The following SLC12A3 variants were observed in gnomAD, a reference collection of about 807,000 sequenced individuals.
SLC12A3 encodes the protein solute carrier family 12 member 3.
A neutral mutation model predicts 121.0 loss-of-function variants in SLC12A3; 104 were observed. The observed-to-expected ratio is 0.86, with a 90% CI of 0.73 to 1.01. The LOEUF (loss-of-function observed/expected upper bound fraction) is 1.01. Ranked by LOEUF, SLC12A3 falls within the 50% of genes least tolerant of loss-of-function variation. SLC12A3 has a pLI of 0.00. For synonymous variants in SLC12A3, 536 were observed against 533.4 expected (o/e 1.00, Z -0.07); for missense variants, 1,328 against 1,356.3 (o/e 0.98, Z 0.33).
At chr16:56,879,486 T>TG (rs1392228562) in intron 10 of SLC12A3, 56 bp from the exon 11 acceptor site, 5 of 1,425,730 alleles carry the variant, frequency 3.5e-6, no homozygotes, top group South Asian at 1.1e-5. Context: ...GTGCCACAGA[T>TG]GGGGGCTCCT....
chr16:56,885,335 T>A lies in SLC12A3; in HGVS notation c.1896T>A (p.Asn632Lys). Residue 632 changes from asparagine to lysine, a missense_variant, in exon 15 of 26, where the codon AAT (asparagine) becomes AAA (lysine). Coordinates refer to ENST00000563236, the MANE Select transcript of SLC12A3 (RefSeq NM_001126108.2). ...CCCTCAGCTACTCGGTGGGCCTCAATGAGGTGGAAGACCACATCAAGAACT... is the reference window on the plus strand; with the variant it reads ...CCCTCAGCTACTCGGTGGGCCTCAAAGAGGTGGAAGACCACATCAAGAACT... ...NLALSYSVGL[N>K]EVEDHIKNYR... 2 of 1,555,282 alleles carry A rather than the reference T, an allele frequency of 1.3e-6. No individual in the cohort carries two copies. The highest frequency in any genetic ancestry group is 1.7e-6 in the Non-Finnish European group (2 of 1,148,906).
intron 3 of SLC12A3, among the ~76,000 whole-genome samples, chr16:56,868,954 A>G (rs1964424615): frequency 6.6e-6 from 1 of 151,474 alleles, no homozygotes; most frequent in Non-Finnish European, 1.5e-5. Context: ...CCTGGGCAAC[A>G]GAGTGTGAAA....
chr16:56,878,294 G>A, intron 9 of SLC12A3, 133 bp downstream of exon 9: 1 of 720,792 alleles, frequency 1.4e-6, no homozygotes. Context: ...GCTGGGCTGG[G>A]AGGGTGTGGC....
chr16:56,904,185 T>A, intron 24 of SLC12A3: 2 of 545,960 alleles, frequency 3.7e-6, no homozygotes, highest in Non-Finnish European at 6.8e-6. Flanking sequence ...AGCCACAGAA[T>A]GCTTCTTGGA....
At chr16:56,911,913 C>G (rs1404683045) in intron 25 of SLC12A3, among the ~76,000 whole-genome samples, 1 of 152,240 alleles carries the variant, frequency 6.6e-6, no homozygotes, top group Non-Finnish European at 1.5e-5. Context: ...CCTGCGTGTG[C>G]TTTGCCTGTT....
rs563950524 is a variant in SLC12A3 at position 56,872,335 on chromosome 16, C to G, written c.853-16C>G. ...AACAAAACTATCTGACCTCTGGGGT[C>G]CTTCGCCCCCTCCAGGCCCAGGTGC... On this transcript the variant is annotated splice_polypyrimidine_tract_variant and intron_variant, in intron 6 of 25. Coordinates refer to ENST00000563236, the MANE Select transcript of SLC12A3 (RefSeq NM_001126108.2). The G allele has an allele frequency of 6.3e-7, 1 of 1,588,348 alleles. No homozygotes were observed. Among genetic ancestry groups the G allele is most frequent in the African/African-American group, 1.3e-5 (1 of 74,410 alleles).
intron 13 of SLC12A3, among the ~76,000 whole-genome samples, chr16:56,882,801 A>G (rs2144720212): frequency 6.6e-6 from 1 of 151,914 alleles, no homozygotes. Flanking sequence ...AATTAGCCAG[A>G]TGTGGTAGCG....
Position 56,884,279 on chromosome 16 carries a change from A to G in SLC12A3, c.1825+75A>G, listed in dbSNP as rs1447512635. 9 of 1,472,548 alleles carry G rather than the reference A, an allele frequency of 6.1e-6. No homozygotes were observed. The African/African-American group carries it at 9.7e-5, about 16-fold the overall frequency. 91.2% of individuals were successfully genotyped at this position (1,472,548 alleles called of 1,614,324 possible). ...TGCAGGCGGCCCTGCCCTCCGCCCC[A>G]GTTGGAGGGCCCTGAGTCCGGCTCT... On this transcript the variant is annotated intron_variant, in intron 14 of 25. Coordinates refer to ENST00000563236, the MANE Select transcript of SLC12A3 (RefSeq NM_001126108.2).
rs1325693628 is a variant in SLC12A3, at chr16:56,887,918, C to T, written c.2179-7C>T. ...GGGTTCCCCATCTCACCCCTATCCCCTGGCAGGCCGCAGGTCTCGGGAGAA... is the reference window on the plus strand; with the variant it reads ...GGGTTCCCCATCTCACCCCTATCCCTTGGCAGGCCGCAGGTCTCGGGAGAA... On this transcript the variant is annotated splice_region_variant and splice_polypyrimidine_tract_variant and intron_variant, in intron 17 of 25. Coordinates refer to ENST00000563236, the MANE Select transcript of SLC12A3 (RefSeq NM_001126108.2). The T allele has an allele frequency of 2.5e-6, 4 of 1,609,338 alleles. No individual in the cohort carries two copies. In the East Asian group the frequency reaches 8.9e-5, roughly 36 times the overall value.
In SLC12A3 at chr16:56,902,252, C is replaced by T. The variant is rs13306680; in HGVS notation, c.2721-121C>T. The T allele has an allele frequency of 1.7e-5, 22 of 1,270,046 alleles. No individual in the cohort carries two copies. In the East Asian group the frequency reaches 2.9e-4, roughly 16 times the overall value. The allele number at this position is 1,270,046 out of a possible 1,614,324, so 78.7% of individuals were successfully genotyped here. On this transcript the variant is annotated intron_variant, in intron 23 of 25. Coordinates refer to ENST00000563236, the MANE Select transcript of SLC12A3 (RefSeq NM_001126108.2). Reference sequence around the variant, plus strand: ...AAGCCACTTTGTAAATGGCAGTGTCCGATGGGTTTCAGCCTGAAAATGGGA... The same window carrying T: ...AAGCCACTTTGTAAATGGCAGTGTCTGATGGGTTTCAGCCTGAAAATGGGA...
intron 8 of SLC12A3, among the ~76,000 whole-genome samples, chr16:56,873,707 TA>T (rs1392807606): frequency 1.3e-4 from 15 of 115,946 alleles, no homozygotes; most frequent in Admixed American, 3.0e-4. Context: ...TATTTTATTT[TA>T]TTTTTTTTTT....
intron 2 of SLC12A3, 148 bp downstream of exon 2, chr16:56,867,364 A>G: frequency 1.2e-6 from 1 of 851,558 alleles, no homozygotes; most frequent in Non-Finnish European, 1.8e-6. Context: ...AGATCAATAG[A>G]CAATAGATTA....
Position 56,870,898 on chromosome 16 carries a change from C to T in SLC12A3, c.852+162C>T, listed in dbSNP as rs1362226638. The stretch of plus-strand genomic sequence containing the variant: ...TGTCCATGCTGGAGTGCAGTGGTAC[C>T]ATCTCGGCTCACTGCAACCTCCATC... On this transcript the variant is annotated intron_variant, in intron 6 of 25. Transcript: ENST00000563236. 4.0e-5 allele frequency among the ~76,000 whole-genome samples: 6 copies of T among 151,684 alleles called. No homozygotes were observed. The East Asian group carries it at 9.6e-4, about 24-fold the overall frequency.
chr16:56,866,966 G>A, intron 1 of SLC12A3, 104 bp from the exon 2 acceptor site: 3 of 1,491,170 alleles, frequency 2.0e-6, no homozygotes, highest in Middle Eastern at 1.9e-4. Flanking sequence ...GAGGGGTCGG[G>A]GGGTGCTCGG....
In SLC12A3 at chr16:56,913,389, C is replaced by T. The variant is rs769248531; in HGVS notation, c.3050C>T (p.Thr1017Ile). The T allele has an allele frequency of 5.0e-6, 8 of 1,614,102 alleles. No homozygotes were observed. The highest frequency in any genetic ancestry group is 6.8e-6 in the Non-Finnish European group (8 of 1,180,042). ...CGAGGAAACCAGGAAAACGTGCTCA[C>T]CTTTTACTGCCAGTAACTCCAGGCT... is the stretch of plus-strand genomic sequence containing the variant. ...LIRGNQENVL[T>I]FYCQ The change falls in exon 26 of 26, where the codon ACC becomes ATC. Residue 1017 changes from threonine (T) to isoleucine (I), a missense_variant. Coordinates refer to ENST00000563236, the MANE Select transcript of SLC12A3 (RefSeq NM_001126108.2).
Position 56,915,723 on chromosome 16 carries a change from A to C in SLC12A3, c.*2318A>C, listed in dbSNP as rs886052174. On this transcript the variant is annotated 3_prime_UTR_variant, in exon 26 of 26. Coordinates refer to ENST00000563236, the MANE Select transcript of SLC12A3 (RefSeq NM_001126108.2). The stretch of plus-strand genomic sequence containing the variant: ...TTTTGGCTTCGGGTGTCAAAAAAAA[A>C]ATTTTCACGATGTCAGAAATAGTAT... The C allele has an allele frequency of 1.3e-5, 2 of 152,240 alleles. No individual in the cohort carries two copies. The highest frequency in any genetic ancestry group is 6.5e-5 in the Admixed American group (1 of 15,286). 9.4% of individuals were successfully genotyped at this position (152,240 alleles called of 1,614,324 possible).
Position 56,913,381 on chromosome 16 carries a change from CGTGCT to C in SLC12A3, c.3043_3047del (p.Val1015HisfsTer22). 6.2e-7 allele frequency: 1 copy of C among 1,614,198 alleles called. No homozygotes were observed. Among genetic ancestry groups the C allele is most frequent in the East Asian group, 2.2e-5 (1 of 44,890 alleles). On this transcript the variant is annotated frameshift_variant, in exon 26 of 26. Coordinates refer to ENST00000563236, the MANE Select transcript of SLC12A3 (RefSeq NM_001126108.2). LOFTEE classifies it high-confidence loss of function. ...TCCTGATCCGAGGAAACCAGGAAAACGTGCTCACCTTTTACTGCCAGTAACTCCAG... is the reference window on the plus strand; with the variant it reads ...TCCTGATCCGAGGAAACCAGGAAAACCACCTTTTACTGCCAGTAACTCCAG...
chr16:56,913,521 T>G lies in SLC12A3; in HGVS notation c.*116T>G, dbSNP rs1719257417. Reference sequence around the variant, plus strand: ...TTCTGTTGCACTTTAAGTGGCAGCATCTGATGATCTCACCGAAAAAGATGG... The same window carrying G: ...TTCTGTTGCACTTTAAGTGGCAGCAGCTGATGATCTCACCGAAAAAGATGG... On this transcript the variant is annotated 3_prime_UTR_variant, in exon 26 of 26. Coordinates refer to ENST00000563236, the MANE Select transcript of SLC12A3 (RefSeq NM_001126108.2). 4.8e-6 allele frequency: 5 copies of G among 1,051,596 alleles called. No homozygotes were observed. The highest frequency in any genetic ancestry group is 7.5e-6 in the Non-Finnish European group (5 of 669,978). 65.1% of individuals were successfully genotyped at this position (1,051,596 alleles called of 1,614,324 possible).
At chr16:56,866,602 C>T (rs563839925) in intron 1 of SLC12A3, among the ~76,000 whole-genome samples, 77 of 152,198 alleles carry the variant, frequency 5.1e-4, no homozygotes, top group Non-Finnish European at 9.7e-4. Flanking sequence ...TCTAAGGCCA[C>T]TGCTCTCCTA....
Sources: allele counts gnomAD v4.1 joint callset (sites outside exome capture counted in the v4.1 genomes callset), GRCh38; gene constraint gnomAD v4.1.1; transcripts MANE v1.5; gene names NCBI Gene and HGNC (gene_info 2026-07-23, HGNC 2026-07-21).